JMJD1C: variants seen among roughly 807,000 people sequenced by gnomAD.
JMJD1C encodes jumonji domain containing 1C.
JMJD1C carries 31 observed loss-of-function variants against 245.3 expected under a neutral mutation model. The observed-to-expected ratio is 0.13, with a 90% CI of 0.09 to 0.17. The LOEUF (loss-of-function observed/expected upper bound fraction) is 0.17. JMJD1C is among the 10% of genes least tolerant of loss of function. The probability of loss-of-function intolerance (pLI) is 1.00; values close to 1 mark genes in which losing one functional copy is unlikely to be tolerated. For missense variants in JMJD1C, 2,691 were observed against 3,000.2 expected, an observed-to-expected ratio of 0.90 and a Z score of 2.41; for synonymous variants, 1,057 against 1,017.4, an observed-to-expected ratio of 1.04 and a Z score of -0.74.
intron 1 of JMJD1C, among the ~76,000 whole-genome samples, chr10:63,488,684 T>C (rs975887448): frequency 1.3e-5 from 2 of 152,204 alleles, no homozygotes; most frequent in Non-Finnish European, 2.9e-5. Flanking sequence ...ATGACTTATA[T>C]ACGAGTAAGC....
At chr10:63,231,589 T>A (rs1312077978) in intron 3 of JMJD1C, among the ~76,000 whole-genome samples, 1 of 151,846 alleles carries the variant, frequency 6.6e-6, no homozygotes, top group Non-Finnish European at 1.5e-5. Flanking sequence ...AAGTCAGGAG[T>A]TCGAGATCAG....
intron 1 of JMJD1C, among the ~76,000 whole-genome samples, chr10:63,459,388 AGCCAAGC>A (rs1465794863): frequency 6.6e-6 from 1 of 152,214 alleles, no homozygotes; most frequent in Non-Finnish European, 1.5e-5. Flanking sequence ...TGACCTAAAA[AGCCAAGC>A]TTGCCCTCTC....
At chr10:63,287,399 C>G (rs982239766) in intron 2 of JMJD1C, among the ~76,000 whole-genome samples, 1 of 152,136 alleles carries the variant, frequency 6.6e-6, no homozygotes, top group African/African-American at 2.4e-5. Flanking sequence ...ACATTGATAT[C>G]ATTTGAAATG....
At chr10:63,517,505 T>A (rs1429261275) in intron 1 of JMJD1C, among the ~76,000 whole-genome samples, 10 of 152,220 alleles carry the variant, frequency 6.6e-5, no homozygotes, top group Non-Finnish European at 1.2e-4. Context: ...GAATGTCCTT[T>A]GCCCTAAATA....
intron 2 of JMJD1C, among the ~76,000 whole-genome samples, chr10:63,300,216 C>A (rs1859918445): frequency 6.6e-6 from 1 of 152,120 alleles, no homozygotes; most frequent in Non-Finnish European, 1.5e-5. Context: ...CTAGTGAGGC[C>A]AAGGTCAAGG....
At chr10:63,263,851 G>C (rs909579039) in intron 3 of JMJD1C, among the ~76,000 whole-genome samples, 23 of 150,868 alleles carry the variant, frequency 1.5e-4, no homozygotes, top group Admixed American at 1.3e-3. Context: ...AGCATTGCTT[G>C]AACCCAGGAG....
intron 3 of JMJD1C, among the ~76,000 whole-genome samples, chr10:63,224,484 T>G (rs1380070710): frequency 1.3e-5 from 2 of 152,364 alleles, no homozygotes; most frequent in East Asian, 3.9e-4. Flanking sequence ...TATAGTACTT[T>G]GTAAGTTACA....
chr10:63,225,662 C>T (rs946161851), intron 3 of JMJD1C, among the ~76,000 whole-genome samples: 4 of 151,828 alleles, frequency 2.6e-5, no homozygotes, highest in Admixed American at 6.6e-5. Context: ...CTTGTGAATC[C>T]CAGCTACTGG....
intron 1 of JMJD1C, among the ~76,000 whole-genome samples, chr10:63,477,265 A>G (rs974555432): frequency 2.4e-4 from 37 of 152,190 alleles, no homozygotes; most frequent in African/African-American, 8.7e-4. Context: ...GTTAAGATGA[A>G]GAAACTGGAA....
At chr10:63,191,959 G>A (rs1194136486) in intron 16 of JMJD1C, among the ~76,000 whole-genome samples, 6 of 119,076 alleles carry the variant, frequency 5.0e-5, no homozygotes, top group Non-Finnish European at 9.6e-5. Flanking sequence ...ACTCCAGCCT[G>A]GACAACAGAG....
intron 1 of JMJD1C, among the ~76,000 whole-genome samples, chr10:63,392,973 T>TG (rs1227161157): frequency 6.9e-6 from 1 of 145,608 alleles, no homozygotes; most frequent in African/African-American, 2.6e-5. Context: ...ACACCGTATA[T>TG]GAAAAAAATG....
chr10:63,317,863 G>A lies in JMJD1C; in HGVS notation c.334-53099C>T, dbSNP rs1180220391. ...CACTGATCTTTTTTCTTTTCTTTTC[G>A]AGACAGGGCCTTGCTCTGTCAACCA... On this transcript the variant is annotated intron_variant, in intron 2 of 25. Transcript: ENST00000399262. Among the ~76,000 whole-genome samples the A allele has an allele frequency of 4.0e-5, 6 of 151,468 alleles. No homozygotes were observed. The East Asian group carries it at 9.7e-4, about 24-fold the overall frequency.
chr10:63,321,953 T>C lies in JMJD1C; in HGVS notation c.334-57189A>G, dbSNP rs769798155. 2.6e-4 allele frequency among the ~76,000 whole-genome samples: 40 copies of C among 152,204 alleles called. 1 individual carries two copies. The highest frequency in any genetic ancestry group is 1.1e-3 in the Admixed American group (17 of 15,280). ...TTTGCTCAGAACATTTAGTTTTCCC[T>C]TCTAACTGCTGAAGCTGACCTTGGG... On this transcript the variant is annotated intron_variant, in intron 2 of 25. Transcript: ENST00000399262.
chr10:63,242,761 T>A (rs962185302), intron 3 of JMJD1C, among the ~76,000 whole-genome samples: 1 of 152,000 alleles, frequency 6.6e-6, no homozygotes, highest in South Asian at 2.1e-4. Context: ...AATGAGTCTC[T>A]TGAAAGCACA....
chr10:63,171,486 G>A (rs968394244), intron 24 of JMJD1C, among the ~76,000 whole-genome samples: 10 of 152,320 alleles, frequency 6.6e-5, no homozygotes, highest in Admixed American at 3.9e-4. Context: ...CATTGCTGAC[G>A]GGCCAAAGAA....
At chr10:63,353,212 G>A (rs1463505002) in intron 2 of JMJD1C, among the ~76,000 whole-genome samples, 2 of 152,152 alleles carry the variant, frequency 1.3e-5, no homozygotes, top group Admixed American at 6.5e-5. Context: ...TCTAGGCAGA[G>A]AGAACAGTAT....
At chr10:63,299,832 T>C (rs979056397) in intron 2 of JMJD1C, among the ~76,000 whole-genome samples, 5 of 151,874 alleles carry the variant, frequency 3.3e-5, no homozygotes, top group Non-Finnish European at 5.9e-5. Flanking sequence ...TGGAAAATCA[T>C]CTCTGCAAGA....
intron 2 of JMJD1C, among the ~76,000 whole-genome samples, chr10:63,288,756 G>A (rs1375104895): frequency 6.6e-6 from 1 of 152,026 alleles, no homozygotes; most frequent in African/African-American, 2.4e-5. Flanking sequence ...GCACATGCCT[G>A]TAATCCCAGC....
intron 1 of JMJD1C, among the ~76,000 whole-genome samples, chr10:63,391,081 T>C (rs1392443305): frequency 6.6e-6 from 1 of 152,166 alleles, no homozygotes; most frequent in Non-Finnish European, 1.5e-5. Context: ...AATGTGACTG[T>C]GTATCTAGGA....
Sources: gnomAD v4.1 joint callset for allele counts (sites outside exome capture counted in the v4.1 genomes callset) on GRCh38, gnomAD v4.1.1 for gene constraint, MANE v1.5 for transcripts, NCBI Gene and HGNC (gene_info 2026-07-23, HGNC 2026-07-21) for gene names.